PABPC4L: variants seen among roughly 807,000 people sequenced by gnomAD.
PABPC4L encodes polyadenylate-binding protein 4-like.
For missense variants in PABPC4L, 452 were observed against 451.4 expected (o/e 1.00, Z -0.01); for synonymous variants, 169 against 164.1 (o/e 1.03, Z -0.23).
At chr4:134,154,157 T>A in the PABPC4L span, among the ~76,000 whole-genome samples, 5 of 152,134 alleles carry the variant, frequency 3.3e-5, no homozygotes, top group Non-Finnish European at 7.4e-5. Context: ...AAAATTGGTA[T>A]CTTTAAATAA....
chr4:134,096,751 C>T, the PABPC4L span, among the ~76,000 whole-genome samples: 1 of 151,856 alleles, frequency 6.6e-6, no homozygotes, highest in African/African-American at 2.4e-5. Context: ...AAATAAATGT[C>T]CAGTCAATAG....
the PABPC4L span, among the ~76,000 whole-genome samples, chr4:134,121,117 T>G: frequency 4.5e-3 from 689 of 151,472 alleles, 9 homozygotes; most frequent in African/African-American, 0.016. Flanking sequence ...GAGTTCTTAA[T>G]TTCAACTATA....
the PABPC4L span, among the ~76,000 whole-genome samples, chr4:134,144,272 C>T: frequency 6.6e-6 from 1 of 151,446 alleles, no homozygotes; most frequent in South Asian, 2.1e-4. Context: ...TTGTGGTAGG[C>T]AAAATATTAA....
the PABPC4L span, among the ~76,000 whole-genome samples, chr4:134,038,485 G>A: frequency 1.3e-5 from 2 of 152,044 alleles, no homozygotes; most frequent in African/African-American, 2.4e-5. Flanking sequence ...ATTAATTATT[G>A]CCTCAATTTC....
the PABPC4L span, among the ~76,000 whole-genome samples, chr4:134,120,456 A>G: frequency 6.7e-6 from 1 of 149,924 alleles, no homozygotes; most frequent in African/African-American, 2.4e-5. Flanking sequence ...TTATTTATAT[A>G]TTATAATGTT....
chr4:134,083,576 G>A, the PABPC4L span, among the ~76,000 whole-genome samples: 1 of 152,136 alleles, frequency 6.6e-6, no homozygotes, highest in African/African-American at 2.4e-5. Flanking sequence ...TACCTGATAT[G>A]CAACAATCTG....
chr4:134,125,686 T>C, the PABPC4L span, among the ~76,000 whole-genome samples: 5 of 152,200 alleles, frequency 3.3e-5, no homozygotes, highest in African/African-American at 1.2e-4. Flanking sequence ...AATGTGAATA[T>C]GTATCTGTCA....
At chr4:134,080,386 C>T in the PABPC4L span, among the ~76,000 whole-genome samples, 3,622 of 152,214 alleles carry the variant, frequency 0.024, 64 homozygotes, top group Non-Finnish European at 0.04. Flanking sequence ...GGCACTTTAT[C>T]CAGCATTGAT....
chr4:134,111,899 CA>C, the PABPC4L span, among the ~76,000 whole-genome samples: 5 of 151,820 alleles, frequency 3.3e-5, no homozygotes, highest in South Asian at 1.0e-3. Context: ...GACTAAGGCA[CA>C]AAGATTTTAT....
chr4:134,010,421 A>G, the PABPC4L span, among the ~76,000 whole-genome samples: 1 of 152,138 alleles, frequency 6.6e-6, no homozygotes, highest in Non-Finnish European at 1.5e-5. Context: ...ACGTAACCAT[A>G]AAAGCTTTCT....
the PABPC4L span, among the ~76,000 whole-genome samples, chr4:134,178,019 C>T: frequency 6.6e-6 from 1 of 152,036 alleles, no homozygotes; most frequent in Non-Finnish European, 1.5e-5. Flanking sequence ...GCATCCCCAC[C>T]CATCCCTATT....
chr4:134,076,794 G>GT, the PABPC4L span, among the ~76,000 whole-genome samples: 1 of 152,158 alleles, frequency 6.6e-6, no homozygotes, highest in Admixed American at 6.5e-5. Context: ...TAGATAGATA[G>GT]ACTTTCATAT....
At chr4:134,158,171 C>A in the PABPC4L span, among the ~76,000 whole-genome samples, 6 of 151,896 alleles carry the variant, frequency 4.0e-5, no homozygotes, top group East Asian at 3.8e-4. Context: ...GAAGTAATAT[C>A]TTTCACTCCC....
chr4:134,130,711 G>T, the PABPC4L span, among the ~76,000 whole-genome samples: 1 of 151,386 alleles, frequency 6.6e-6, no homozygotes, highest in Non-Finnish European at 1.5e-5. Flanking sequence ...ACCAGAAAAG[G>T]ACATAAAAAA....
the PABPC4L span, among the ~76,000 whole-genome samples, chr4:134,093,992 C>G: frequency 2.0e-5 from 3 of 151,680 alleles, no homozygotes; most frequent in Non-Finnish European, 4.4e-5. Context: ...GGGATTTAAA[C>G]TCTTTCCTTT....
the PABPC4L span, among the ~76,000 whole-genome samples, chr4:134,154,154 G>A: frequency 2.6e-5 from 4 of 151,872 alleles, no homozygotes; most frequent in Admixed American, 2.0e-4. Context: ...TAGAAAATTG[G>A]TATCTTTAAA....
chr4:134,056,279 C>T, the PABPC4L span, among the ~76,000 whole-genome samples: 1 of 151,948 alleles, frequency 6.6e-6, no homozygotes, highest in Non-Finnish European at 1.5e-5. Flanking sequence ...GTGTTTCCCC[C>T]TATTTTATAC....
the PABPC4L span, among the ~76,000 whole-genome samples, chr4:134,109,068 C>A: frequency 2.0e-5 from 3 of 151,814 alleles, no homozygotes; most frequent in African/African-American, 2.4e-5. Context: ...TAACCCTAAA[C>A]AATTATTTTT....
the PABPC4L span, among the ~76,000 whole-genome samples, chr4:134,131,368 A>T: frequency 1.3e-5 from 2 of 152,038 alleles, no homozygotes; most frequent in Non-Finnish European, 2.9e-5. Context: ...AAATTAATGT[A>T]CCCAAATTAG....
Sources: gnomAD v4.1 joint callset for allele counts (sites outside exome capture counted in the v4.1 genomes callset) on GRCh38, gnomAD v4.1.1 for gene constraint, MANE v1.5 for transcripts, NCBI Gene and HGNC (gene_info 2026-07-23, HGNC 2026-07-21) for gene names.